NEK6: variants seen among roughly 807,000 people sequenced by gnomAD.
NEK6 encodes the protein serine/threonine-protein kinase Nek6.
Under a neutral mutation model 43.5 loss-of-function variants are expected in NEK6, and 27 were observed. That is an observed-to-expected ratio of 0.62 (90% CI 0.46 to 0.86). The LOEUF is 0.86. Among genes scored for constraint, NEK6 ranks in the 40% least tolerant of loss-of-function variants. NEK6 has a pLI of 0.00. For synonymous variants in NEK6, 167 were observed against 164.1 expected, an observed-to-expected ratio of 1.02 and a Z score of -0.14; for missense variants, 318 against 414.4, an observed-to-expected ratio of 0.77 and a Z score of 2.02.
chr9:124,333,636 A>G (rs1207508453), intron 7 of NEK6, among the ~76,000 whole-genome samples: 1 of 152,202 alleles, frequency 6.6e-6, no homozygotes, highest in Non-Finnish European at 1.5e-5. Context: ...AACTAACAGT[A>G]ACATCTCTTG....
intron 1 of NEK6, among the ~76,000 whole-genome samples, chr9:124,263,682 C>T (rs1029216460): frequency 1.3e-5 from 2 of 152,220 alleles, no homozygotes; most frequent in African/African-American, 4.8e-5. Flanking sequence ...AGGCCCTAAA[C>T]AAGGCCAGAA....
At chr9:124,323,648 C>T (rs886417769) in intron 5 of NEK6, among the ~76,000 whole-genome samples, 1 of 152,138 alleles carries the variant, frequency 6.6e-6, no homozygotes. Context: ...GTCAGACAGG[C>T]AGATGGGGGG....
chr9:124,284,574 A>G (rs1377339221), intron 1 of NEK6, among the ~76,000 whole-genome samples: 1 of 152,240 alleles, frequency 6.6e-6, no homozygotes, highest in African/African-American at 2.4e-5. Flanking sequence ...CAAAATTCCC[A>G]GTTAATGGGT....
intron 1 of NEK6, among the ~76,000 whole-genome samples, chr9:124,286,662 C>T (rs1832176025): frequency 6.6e-6 from 1 of 152,360 alleles, no homozygotes; most frequent in South Asian, 2.1e-4. Flanking sequence ...TCCTGGGCTC[C>T]TGAGCCACTC....
At chr9:124,272,073 A>G (rs4838147) in intron 1 of NEK6, among the ~76,000 whole-genome samples, 24,065 of 152,148 alleles carry the variant, frequency 0.16, 1,959 homozygotes, top group Non-Finnish European at 0.17. Flanking sequence ...TTCCCAATCT[A>G]TTGTGGTAAG....
At chr9:124,289,763 A>T (rs529752889) in intron 1 of NEK6, among the ~76,000 whole-genome samples, 22 of 152,352 alleles carry the variant, frequency 1.4e-4, no homozygotes, top group Admixed American at 7.8e-4. Context: ...TGTCAGCCGT[A>T]TAAGAAGCAT....
intron 7 of NEK6, among the ~76,000 whole-genome samples, chr9:124,338,245 T>C (rs1460978287): frequency 6.6e-6 from 1 of 152,230 alleles, no homozygotes; most frequent in Non-Finnish European, 1.5e-5. Context: ...CCTCCCAAAG[T>C]GGTGGGTTTA....
rs1053991885 is a variant in NEK6, at chr9:124,317,157, A to G, written c.294+3172A>G. Among the ~76,000 whole-genome samples the G allele has an allele frequency of 3.3e-5, 5 of 152,238 alleles. 1 individual carries two copies. Among genetic ancestry groups the G allele is most frequent in the Admixed American group, 1.3e-4 (2 of 15,284 alleles). ...TTTTTGGTAACTGAAAAACATGTCT[A>G]TGGAGCATGATGTGTGCTGAGGGCA... On this transcript the variant is annotated intron_variant, in intron 4 of 9. Coordinates refer to ENST00000320246, the MANE Select transcript of NEK6 (RefSeq NM_014397.6).
chr9:124,276,389 C>G (rs1324069893), intron 1 of NEK6, among the ~76,000 whole-genome samples: 1 of 152,168 alleles, frequency 6.6e-6, no homozygotes, highest in African/African-American at 2.4e-5. Context: ...TCCTCTGACC[C>G]TGGCCCTTCA....
chr9:124,332,063 G>T (rs1306332593), intron 7 of NEK6, among the ~76,000 whole-genome samples: 2 of 152,240 alleles, frequency 1.3e-5, no homozygotes, highest in Non-Finnish European at 2.9e-5. Flanking sequence ...CTGTTAGGAA[G>T]AGATGAGCTG....
At chr9:124,307,056 T>C (rs1279620836) in intron 2 of NEK6, among the ~76,000 whole-genome samples, 1 of 152,200 alleles carries the variant, frequency 6.6e-6, no homozygotes, top group Non-Finnish European at 1.5e-5. Flanking sequence ...GGCTAAATTT[T>C]TTAATGAGAT....
chr9:124,274,015 G>T lies in NEK6; in HGVS notation c.-30+15930G>T, dbSNP rs73666845. ...CCATTCATCTTGCTTCCCATTAATG[G>T]AATTACCGCCATCACTTCTGTGGGA... On this transcript the variant is annotated intron_variant, in intron 1 of 9. Transcript: ENST00000320246. 9.4e-3 allele frequency among the ~76,000 whole-genome samples: 1,434 copies of T among 152,298 alleles called. 27 individuals carry two copies. The highest frequency in any genetic ancestry group is 0.033 in the African/African-American group (1,352 of 41,556).
chr9:124,309,938 C>G (rs1053470989), intron 2 of NEK6, among the ~76,000 whole-genome samples: 1 of 152,220 alleles, frequency 6.6e-6, no homozygotes, highest in Non-Finnish European at 1.5e-5. Flanking sequence ...GGGGACTAGA[C>G]AGGGGCCCCC....
rs1401303354 is a variant in NEK6 at position 124,275,765 on chromosome 9, C to T, written c.-30+17680C>T. ...CCAGGGCCTGGCCTGGCAAAGGCCTCGGTGACGGTAATGAGGGGAGGGAGC... is the reference window on the plus strand; with the variant it reads ...CCAGGGCCTGGCCTGGCAAAGGCCTTGGTGACGGTAATGAGGGGAGGGAGC... On this transcript the variant is annotated intron_variant, in intron 1 of 9. Coordinates refer to ENST00000320246, the MANE Select transcript of NEK6 (RefSeq NM_014397.6). The surrounding 1 kb of genome is among the most constrained non-coding windows in gnomAD (Gnocchi z 4.4). Among the ~76,000 whole-genome samples, 5 of 152,218 alleles carry T rather than the reference C, an allele frequency of 3.3e-5. No homozygotes were observed. The East Asian group carries it at 5.8e-4, about 18-fold the overall frequency.
intron 1 of NEK6, among the ~76,000 whole-genome samples, chr9:124,279,326 G>A (rs1831791352): frequency 6.8e-6 from 1 of 147,128 alleles, no homozygotes; most frequent in Admixed American, 6.7e-5. Flanking sequence ...TTTTGAGACG[G>A]AGTCTCACTC....
intron 2 of NEK6, among the ~76,000 whole-genome samples, chr9:124,308,572 C>A (rs1833374569): frequency 6.6e-6 from 1 of 151,106 alleles, no homozygotes; most frequent in Non-Finnish European, 1.5e-5. Context: ...AGGAGAATCG[C>A]TTGAACCCGG....
rs1831628533 is a variant in NEK6, at chr9:124,275,837, T to C, written c.-30+17752T>C. 6.6e-6 allele frequency among the ~76,000 whole-genome samples: 1 copy of C among 152,220 alleles called. No homozygotes were observed. Among genetic ancestry groups the C allele is most frequent in the Admixed American group, 6.5e-5 (1 of 15,292 alleles). ...TCAGGCCTGTGGCCATGGGGACAGC[T>C]GAGATGCTGAGACCACTGTGTCCAA... On this transcript the variant is annotated intron_variant, in intron 1 of 9. Coordinates refer to ENST00000320246, the MANE Select transcript of NEK6 (RefSeq NM_014397.6). This position sits in a 1 kb window ranked among gnomAD's most constrained non-coding sequence, Gnocchi z 4.4.
chr9:124,290,670 C>T (rs1024870577), intron 1 of NEK6, among the ~76,000 whole-genome samples: 2 of 152,256 alleles, frequency 1.3e-5, no homozygotes, highest in East Asian at 3.8e-4. Flanking sequence ...GCCCAGATTC[C>T]TCTCACAGAC....
rs1831617685 is a variant in NEK6 at position 124,275,550 on chromosome 9, C to T, written c.-30+17465C>T. Among the ~76,000 whole-genome samples, 1 of 152,250 alleles carries T rather than the reference C, an allele frequency of 6.6e-6. No homozygotes were observed. Among genetic ancestry groups the T allele is most frequent in the Non-Finnish European group, 1.5e-5 (1 of 68,034 alleles). ...CCTTCTCACTTCTCAGACATCACTG[C>T]TTCTGGGGAGTCTCCTCTGACCTCA... On this transcript the variant is annotated intron_variant, in intron 1 of 9. Coordinates refer to ENST00000320246, the MANE Select transcript of NEK6 (RefSeq NM_014397.6). This position sits in a 1 kb window ranked among gnomAD's most constrained non-coding sequence, Gnocchi z 4.4.
Sources: allele counts gnomAD v4.1 joint callset (sites outside exome capture counted in the v4.1 genomes callset), GRCh38; gene constraint gnomAD v4.1.1; non-coding constraint Gnocchi (gnomAD v3.1); transcripts MANE v1.5; gene names NCBI Gene and HGNC (gene_info 2026-07-23, HGNC 2026-07-21).